The following KCNH8 variants were observed in gnomAD, a reference collection of about 807,000 sequenced individuals.
The protein encoded by KCNH8 is potassium voltage-gated channel subfamily H member 8.
In KCNH8, 70 loss-of-function variants were observed where a neutral mutation model predicts 103.6. The ratio of observed to expected loss-of-function variants is 0.68; its 90% CI spans 0.56 to 0.82. KCNH8 has a LOEUF of 0.82. KCNH8 is among the 40% of genes least tolerant of loss of function. The pLI, the probability that KCNH8 is intolerant of heterozygous loss-of-function variation, is 0.00. For missense variants in KCNH8, 1,217 were observed against 1,329.9 expected, an observed-to-expected ratio of 0.92 and a Z score of 1.32; for synonymous variants, 498 against 489.4, an observed-to-expected ratio of 1.02 and a Z score of -0.23.
At chr3:19,459,471 C>T (rs2067586899) in intron 11 of KCNH8, among the ~76,000 whole-genome samples, 1 of 151,834 alleles carries the variant, frequency 6.6e-6, no homozygotes, top group Non-Finnish European at 1.5e-5. Flanking sequence ...ATTGTTGTTA[C>T]TGAGTTGAGT....
chr3:19,220,013 A>T (rs2125230748), intron 1 of KCNH8, among the ~76,000 whole-genome samples: 1 of 152,324 alleles, frequency 6.6e-6, no homozygotes, highest in Admixed American at 6.5e-5. Flanking sequence ...ACTTGCCTTA[A>T]TAATCACATC....
At chr3:19,526,608 G>A (rs1452062131) in intron 15 of KCNH8, among the ~76,000 whole-genome samples, 4 of 151,834 alleles carry the variant, frequency 2.6e-5, no homozygotes, top group Admixed American at 6.6e-5. Flanking sequence ...CACTGACAAC[G>A]CATGGTGTTA....
chr3:19,390,790 C>G, intron 6 of KCNH8, 152 bp downstream of exon 6: 1 of 633,976 alleles, frequency 1.6e-6, no homozygotes, highest in East Asian at 3.0e-5. Context: ...AGGCCAGATT[C>G]TTCAGTTGAT....
At chr3:19,502,207 A>C (rs1252183644) in intron 11 of KCNH8, among the ~76,000 whole-genome samples, 2 of 151,082 alleles carry the variant, frequency 1.3e-5, no homozygotes, top group African/African-American at 2.4e-5. Context: ...TAGGAATCCA[A>C]CTTACAAGGG....
At chr3:19,151,381 T>A (rs2063128048) in intron 1 of KCNH8, among the ~76,000 whole-genome samples, 1 of 152,188 alleles carries the variant, frequency 6.6e-6, no homozygotes, top group Admixed American at 6.5e-5. Flanking sequence ...TGAGTTGGTA[T>A]AATTTTTACC....
chr3:19,255,322 AC>A (rs1198736217), intron 2 of KCNH8, among the ~76,000 whole-genome samples: 2 of 152,294 alleles, frequency 1.3e-5, no homozygotes, highest in East Asian at 3.9e-4. Flanking sequence ...GCAAACTAAT[AC>A]GCATATATTA....
chr3:19,491,914 CTGA>C lies in KCNH8; in HGVS notation c.2041-18444_2041-18442del, dbSNP rs1388088827. Reference sequence around the variant, plus strand: ...CATTGTGATTTTGATTTGCATTTCTCTGATGATTAGTGATGATAGCTTTTTTTC... The same window carrying C: ...CATTGTGATTTTGATTTGCATTTCTCTGATTAGTGATGATAGCTTTTTTTC... On this transcript the variant is annotated intron_variant, in intron 11 of 15. Transcript: ENST00000328405. 5.9e-5 allele frequency among the ~76,000 whole-genome samples: 9 copies of C among 152,214 alleles called. No homozygotes were observed. The East Asian group carries it at 1.2e-3, about 20-fold the overall frequency.
chr3:19,500,476 AAT>A (rs1474048973), intron 11 of KCNH8, among the ~76,000 whole-genome samples: 4 of 142,408 alleles, frequency 2.8e-5, no homozygotes, highest in Non-Finnish European at 6.4e-5. Context: ...AAATCAACAG[AAT>A]ATACATTTTT....
intron 11 of KCNH8, among the ~76,000 whole-genome samples, chr3:19,501,562 A>T (rs1219269636): frequency 1.3e-5 from 2 of 152,234 alleles, no homozygotes; most frequent in African/African-American, 4.8e-5. Flanking sequence ...GCAGCACATC[A>T]AAAACGTTAT....
chr3:19,340,357 A>ATTTTTTTTTTT (rs33979047), intron 3 of KCNH8, among the ~76,000 whole-genome samples: 1 of 143,942 alleles, frequency 6.9e-6, no homozygotes, highest in Non-Finnish European at 1.5e-5. Context: ...TTTTTTTTTA[A>ATTTTTTTTTTT]TTTTTTTTTT....
intron 3 of KCNH8, among the ~76,000 whole-genome samples, chr3:19,311,727 C>G (rs2065210955): frequency 6.6e-6 from 1 of 151,776 alleles, no homozygotes; most frequent in South Asian, 2.1e-4. Context: ...GACATAGAAA[C>G]TGGTTCAAGG....
At chr3:19,246,122 A>C (rs1381526125) in intron 1 of KCNH8, among the ~76,000 whole-genome samples, 1 of 152,086 alleles carries the variant, frequency 6.6e-6, no homozygotes, top group Admixed American at 6.5e-5. Flanking sequence ...GTTTATCTTA[A>C]TGAGCTTTCA....
At chr3:19,313,424 G>A (rs1044736772) in intron 3 of KCNH8, among the ~76,000 whole-genome samples, 2 of 151,778 alleles carry the variant, frequency 1.3e-5, no homozygotes, top group Non-Finnish European at 2.9e-5. Context: ...TAAAATAATT[G>A]GAATATAACA....
chr3:19,266,410 T>G (rs2125262798), intron 2 of KCNH8, among the ~76,000 whole-genome samples: 1 of 152,180 alleles, frequency 6.6e-6, no homozygotes, highest in African/African-American at 2.4e-5. Flanking sequence ...ACTTCCAAAT[T>G]CCATCCTCAT....
At chr3:19,330,535 T>C (rs764603638) in intron 3 of KCNH8, among the ~76,000 whole-genome samples, 2 of 152,200 alleles carry the variant, frequency 1.3e-5, no homozygotes, top group African/African-American at 4.8e-5. Context: ...TTAAGTTGAA[T>C]TGAAGTTATT....
chr3:19,467,894 TCCAGCAAACTGG>T (rs1333765780), intron 11 of KCNH8, among the ~76,000 whole-genome samples: 1 of 152,062 alleles, frequency 6.6e-6, no homozygotes, highest in East Asian at 1.9e-4. Context: ...AGCATTACAC[TCCAGCAAACTGG>T]CCTGCTTTCC....
chr3:19,515,929 G>A (rs1263811673), intron 14 of KCNH8, among the ~76,000 whole-genome samples: 1 of 151,940 alleles, frequency 6.6e-6, no homozygotes, highest in Non-Finnish European at 1.5e-5. Flanking sequence ...CTTTAGTGAT[G>A]GTGAATTAAT....
At chr3:19,317,311 A>T (rs2065286973) in intron 3 of KCNH8, among the ~76,000 whole-genome samples, 1 of 151,918 alleles carries the variant, frequency 6.6e-6, no homozygotes, top group African/African-American at 2.4e-5. Context: ...CTTGCTTTTC[A>T]TCTTAATTAT....
intron 1 of KCNH8, among the ~76,000 whole-genome samples, chr3:19,149,566 AGTT>A (rs1186797868): frequency 6.6e-6 from 1 of 152,114 alleles, no homozygotes; most frequent in Non-Finnish European, 1.5e-5. Context: ...ATCATCTGCA[AGTT>A]GTTCTCTTTC....
Sources: allele counts gnomAD v4.1 joint callset (sites outside exome capture counted in the v4.1 genomes callset), GRCh38; gene constraint gnomAD v4.1.1; transcripts MANE v1.5; gene names NCBI Gene and HGNC (gene_info 2026-07-23, HGNC 2026-07-21).